Variants in RNF180 observed in about 807,000 individuals in gnomAD.
RNF180 encodes ring finger protein 180.
A neutral mutation model predicts 59.2 loss-of-function variants in RNF180; 38 were observed. The observed-to-expected ratio is 0.64, with a 90% CI of 0.50 to 0.84. The LOEUF (loss-of-function observed/expected upper bound fraction) is 0.84, where lower values mean the gene tolerates loss of function less well. RNF180 is among the 40% of genes least tolerant of loss of function. The pLI is 0.00. For synonymous variants in RNF180, 262 were observed against 240.3 expected, an observed-to-expected ratio of 1.09 and a Z score of -0.84; for missense variants, 705 against 700.9, an observed-to-expected ratio of 1.01 and a Z score of -0.07.
chr5:64,177,703 TAGTC>T (rs960163467), intron 1 of RNF180, among the ~76,000 whole-genome samples: 4 of 151,924 alleles, frequency 2.6e-5, no homozygotes, highest in African/African-American at 4.8e-5. Context: ...TTAGTAATGT[TAGTC>T]AGTGTTCTGG....
chr5:64,268,710 C>A (rs898444196), intron 5 of RNF180, among the ~76,000 whole-genome samples: 4 of 152,134 alleles, frequency 2.6e-5, no homozygotes, highest in Admixed American at 6.6e-5. Flanking sequence ...AAAATTTAAT[C>A]TCTGTTGTTG....
chr5:64,340,125 T>C (rs981961357), intron 7 of RNF180, among the ~76,000 whole-genome samples: 2 of 152,124 alleles, frequency 1.3e-5, no homozygotes, highest in Admixed American at 1.3e-4. Flanking sequence ...TGAAAAACCA[T>C]TCATATATAT....
intron 5 of RNF180, among the ~76,000 whole-genome samples, chr5:64,267,298 A>G (rs1046729936): frequency 8.5e-5 from 13 of 152,112 alleles, no homozygotes; most frequent in African/African-American, 2.4e-5. Context: ...AGGCTTAAGA[A>G]AGTAATTACA....
chr5:64,246,239 A>G (rs1743153367), intron 5 of RNF180, among the ~76,000 whole-genome samples: 1 of 152,204 alleles, frequency 6.6e-6, no homozygotes, highest in Non-Finnish European at 1.5e-5. Context: ...TTCAAAAGCT[A>G]GCAGAAGACG....
intron 5 of RNF180, among the ~76,000 whole-genome samples, chr5:64,219,658 C>T (rs1245707194): frequency 2.6e-5 from 4 of 151,098 alleles, no homozygotes; most frequent in South Asian, 2.1e-4. Context: ...GGACTACAAG[C>T]GCACGCCACC....
chr5:64,175,407 C>A (rs1750182579), intron 1 of RNF180, among the ~76,000 whole-genome samples: 2 of 152,058 alleles, frequency 1.3e-5, no homozygotes. Context: ...GCTTATTATA[C>A]CTTTATCAAA....
intron 5 of RNF180, among the ~76,000 whole-genome samples, chr5:64,261,412 G>C (rs896368869): frequency 6.6e-6 from 1 of 152,066 alleles, no homozygotes; most frequent in Non-Finnish European, 1.5e-5. Flanking sequence ...GCCTTGCTTT[G>C]ATAAAGCACC....
chr5:64,305,153 A>G (rs1743371555), intron 5 of RNF180, among the ~76,000 whole-genome samples: 1 of 151,642 alleles, frequency 6.6e-6, no homozygotes, highest in African/African-American at 2.4e-5. Flanking sequence ...AAACCAAACA[A>G]TGTGTGTGTC....
intron 5 of RNF180, among the ~76,000 whole-genome samples, chr5:64,310,478 A>G (rs1048187452): frequency 2.6e-5 from 4 of 151,038 alleles, no homozygotes; most frequent in African/African-American, 9.7e-5. Flanking sequence ...CCAGTGCCTC[A>G]TATTTTAGGT....
At chr5:64,260,436 AAG>A (rs1580132427) in intron 5 of RNF180, among the ~76,000 whole-genome samples, 2 of 152,214 alleles carry the variant, frequency 1.3e-5, no homozygotes, top group African/African-American at 2.4e-5. Flanking sequence ...ATATTTAAGA[AAG>A]AAATTAATTT....
chr5:64,207,396 C>T (rs1270083635), intron 2 of RNF180, among the ~76,000 whole-genome samples: 2 of 151,974 alleles, frequency 1.3e-5, no homozygotes, highest in African/African-American at 4.8e-5. Context: ...TCAGGACCAG[C>T]GTGTTCAAAG....
intron 7 of RNF180, among the ~76,000 whole-genome samples, chr5:64,354,096 C>T (rs1349633958): frequency 6.6e-6 from 1 of 150,766 alleles, no homozygotes; most frequent in East Asian, 2.0e-4. Context: ...CCCAAGCTAG[C>T]AGAAGGAAGG....
intron 5 of RNF180, among the ~76,000 whole-genome samples, chr5:64,300,919 A>T (rs1218058108): frequency 1.3e-5 from 2 of 151,558 alleles, no homozygotes; most frequent in African/African-American, 2.4e-5. Flanking sequence ...CTGTTTTTTC[A>T]TTGCTTTCAT....
intron 5 of RNF180, among the ~76,000 whole-genome samples, chr5:64,226,466 T>G (rs1741765552): frequency 6.6e-6 from 1 of 152,158 alleles, no homozygotes; most frequent in South Asian, 2.1e-4. Flanking sequence ...GAAGGCAGCA[T>G]GCTCGTTAAG....
At chr5:64,369,580 T>C in intron 7 of RNF180, 35 bp from the exon 8 acceptor site, 2 of 1,330,672 alleles carry the variant, frequency 1.5e-6, no homozygotes, top group South Asian at 4.0e-5. Context: ...CTAGCTTGAA[T>C]TTAATGGGCT....
At chr5:64,212,016 A>G (rs781735456) in intron 2 of RNF180, 49 bp from the exon 3 acceptor site, 10 of 1,093,870 alleles carry the variant, frequency 9.1e-6, no homozygotes, top group Non-Finnish European at 1.4e-5. Context: ...AACCTGTGAA[A>G]TAAATTCTGA....
intron 5 of RNF180, among the ~76,000 whole-genome samples, chr5:64,310,293 G>T (rs1743698422): frequency 6.6e-6 from 1 of 151,750 alleles, no homozygotes; most frequent in African/African-American, 2.4e-5. Flanking sequence ...ACTATTAAAA[G>T]TAAATGTTCA....
chr5:64,359,368 C>T (rs1158174988), intron 7 of RNF180, among the ~76,000 whole-genome samples: 1 of 151,402 alleles, frequency 6.6e-6, no homozygotes, highest in Non-Finnish European at 1.5e-5. Flanking sequence ...TTTTGATTTG[C>T]ATTTCTCTGA....
intron 7 of RNF180, among the ~76,000 whole-genome samples, chr5:64,336,476 T>C (rs1203437466): frequency 6.6e-6 from 1 of 152,216 alleles, no homozygotes; most frequent in Non-Finnish European, 1.5e-5. Context: ...AATATCTATT[T>C]GGTATATAGG....
Sources: gnomAD v4.1 joint callset for allele counts (sites outside exome capture counted in the v4.1 genomes callset) on GRCh38, gnomAD v4.1.1 for gene constraint, MANE v1.5 for transcripts, NCBI Gene and HGNC (gene_info 2026-07-23, HGNC 2026-07-21) for gene names.